Variants in PHF21B observed in about 807,000 individuals in gnomAD.
PHF21B encodes the protein PHD finger protein 21B.
In PHF21B, 22 loss-of-function variants were observed where a neutral mutation model predicts 62.2. The observed-to-expected ratio is 0.35, with a 90% CI of 0.25 to 0.51. The LOEUF (loss-of-function observed/expected upper bound fraction) is 0.51. PHF21B is among the 20% of genes least tolerant of loss of function. The pLI, the probability that PHF21B is intolerant of heterozygous loss-of-function variation, is 0.97. For missense variants in PHF21B, 701 were observed against 707.9 expected, an observed-to-expected ratio of 0.99 and a Z score of 0.11; for synonymous variants, 341 against 314.7, an observed-to-expected ratio of 1.08 and a Z score of -0.88.
intron 2 of PHF21B, among the ~76,000 whole-genome samples, chr22:44,975,038 G>A (rs1184392049): frequency 6.6e-6 from 1 of 152,092 alleles, no homozygotes. Flanking sequence ...CTCCAGCATG[G>A]AGCCACAGCC....
At chr22:45,008,850 C>A in intron 1 of PHF21B, 1 of 1,178,830 alleles carries the variant, frequency 8.5e-7, no homozygotes, top group Non-Finnish European at 1.0e-6. Context: ...CCGAGGCCAC[C>A]CGGCGGCGCG....
At chr22:45,008,994 A>G in intron 1 of PHF21B, 1 of 1,094,262 alleles carries the variant, frequency 9.1e-7, no homozygotes, top group Non-Finnish European at 1.1e-6. Context: ...GCTCATAAAT[A>G]TTCAAGTCGC....
chr22:45,008,542 T>G lies in PHF21B; in HGVS notation c.120+3A>C. On this transcript the variant is annotated splice_donor_region_variant and intron_variant, in intron 2 of 12. Coordinates refer to ENST00000313237, the MANE Select transcript of PHF21B (RefSeq NM_138415.5). Reference sequence around the variant, plus strand: ...CAGGGGGGGCCGCGATCCCATCGCTTACTTGTTTGTCGCTGAGCGCGGCGA... The same window carrying G: ...CAGGGGGGGCCGCGATCCCATCGCTGACTTGTTTGTCGCTGAGCGCGGCGA... 6.3e-7 allele frequency: 1 copy of G among 1,576,292 alleles called. No homozygotes were observed. The highest frequency in any genetic ancestry group is 8.6e-7 in the Non-Finnish European group (1 of 1,160,978).
chr22:45,008,622 C>T lies in PHF21B; in HGVS notation c.55-12G>A. The T allele has an allele frequency of 1.3e-6, 2 of 1,568,730 alleles. No homozygotes were observed. Among genetic ancestry groups the T allele is most frequent in the Non-Finnish European group, 1.7e-6 (2 of 1,156,630 alleles). On this transcript the variant is annotated splice_polypyrimidine_tract_variant and intron_variant, in intron 1 of 12. Transcript: ENST00000313237. ...TTGAGGTCGCCGTTCTGCGGAAACA[C>T]GGAGGAGCGGGCTCAGGCAGGCCAC...
chr22:44,911,544 T>C (rs2071343960), intron 5 of PHF21B, among the ~76,000 whole-genome samples: 2 of 152,346 alleles, frequency 1.3e-5, no homozygotes, highest in South Asian at 4.1e-4. Context: ...CCCCTCAGCC[T>C]GTTGCTTCAG....
At chr22:44,987,007 A>G (rs1443375794) in intron 2 of PHF21B, among the ~76,000 whole-genome samples, 2 of 152,228 alleles carry the variant, frequency 1.3e-5, no homozygotes, top group Admixed American at 6.5e-5. Flanking sequence ...TATCAGATTC[A>G]TACCTCGAGA....
At chr22:44,999,628 C>T (rs2073178292) in intron 2 of PHF21B, among the ~76,000 whole-genome samples, 1 of 152,100 alleles carries the variant, frequency 6.6e-6, no homozygotes, top group Admixed American at 6.6e-5. Flanking sequence ...ACCGTGTGCC[C>T]CGGAGTAACA....
chr22:45,008,944 C>A, intron 1 of PHF21B: 1 of 1,091,220 alleles, frequency 9.2e-7, no homozygotes, highest in Non-Finnish European at 1.1e-6. Flanking sequence ...GGGGGAGGAA[C>A]AAAGAGCCAA....
At chr22:45,007,676 G>A (rs1367547505) in intron 2 of PHF21B, among the ~76,000 whole-genome samples, 1 of 143,380 alleles carries the variant, frequency 7.0e-6, no homozygotes, top group Non-Finnish European at 1.5e-5. Context: ...CTCGGCTCGG[G>A]GCTGCGCGGG....
chr22:44,968,163 TGA>T (rs1649758295), intron 2 of PHF21B, among the ~76,000 whole-genome samples: 1 of 152,186 alleles, frequency 6.6e-6, no homozygotes, highest in East Asian at 1.9e-4. Context: ...CCTTAAGGGG[TGA>T]GAGTTACCCC....
chr22:44,981,796 A>G (rs2072846926), intron 2 of PHF21B, among the ~76,000 whole-genome samples: 1 of 152,216 alleles, frequency 6.6e-6, no homozygotes, highest in South Asian at 2.1e-4. Context: ...GCTCAAGGAC[A>G]CGCTGGGATG....
In PHF21B at chr22:44,885,797, C is replaced by T. The variant is rs1050158264; in HGVS notation, c.1273+66G>A. On this transcript the variant is annotated intron_variant, in intron 11 of 12. Coordinates refer to ENST00000313237, the MANE Select transcript of PHF21B (RefSeq NM_138415.5). ...CTGTCCTCCCACAGGACCAGGTGAG[C>T]CCAGAGGCCTGGGTGGGGGAGGAGG... 4 of 1,518,466 alleles carry T rather than the reference C, an allele frequency of 2.6e-6. No individual in the cohort carries two copies. In the Admixed American group the frequency reaches 6.9e-5, roughly 26 times the overall value. The allele number at this position is 1,518,466 out of a possible 1,614,324, so 94.1% of individuals were successfully genotyped here.
chr22:44,984,136 A>G (rs1288467498), intron 2 of PHF21B, among the ~76,000 whole-genome samples: 14 of 146,202 alleles, frequency 9.6e-5, no homozygotes, highest in African/African-American at 3.6e-4. Context: ...CATCATCATG[A>G]TCACCATCAT....
chr22:44,975,076 C>A (rs1350621817), intron 2 of PHF21B, among the ~76,000 whole-genome samples: 1 of 152,200 alleles, frequency 6.6e-6, no homozygotes, highest in Admixed American at 6.5e-5. Context: ...CCACCTTCTC[C>A]TCTCTCTCCA....
intron 2 of PHF21B, among the ~76,000 whole-genome samples, chr22:45,006,981 G>T (rs1320119636): frequency 6.6e-6 from 1 of 151,970 alleles, no homozygotes. Context: ...AATCAAAATG[G>T]TAATGCAGGG....
chr22:44,887,343 C>T (rs541743499), intron 10 of PHF21B, among the ~76,000 whole-genome samples: 1 of 152,230 alleles, frequency 6.6e-6, no homozygotes, highest in Admixed American at 6.5e-5. Flanking sequence ...ATGGCTGATT[C>T]CCAAACTATA....
At chr22:44,995,709 G>A (rs1400275995) in intron 2 of PHF21B, among the ~76,000 whole-genome samples, 2 of 152,082 alleles carry the variant, frequency 1.3e-5, no homozygotes, top group Admixed American at 1.3e-4. Context: ...ACTGCATTTA[G>A]CACTCGGTAT....
At chr22:44,918,168 G>A (rs757487225) in intron 3 of PHF21B, among the ~76,000 whole-genome samples, 3 of 152,236 alleles carry the variant, frequency 2.0e-5, no homozygotes, top group Admixed American at 6.5e-5. Flanking sequence ...AAAGTTACCC[G>A]TTGGAAAACT....
chr22:44,967,486 G>A (rs1008616045), intron 2 of PHF21B, among the ~76,000 whole-genome samples: 1 of 152,184 alleles, frequency 6.6e-6, no homozygotes, highest in South Asian at 2.1e-4. Context: ...CTCCCAAAGT[G>A]CTGGGATTAC....
Sources: allele counts gnomAD v4.1 joint callset (sites outside exome capture counted in the v4.1 genomes callset), GRCh38; gene constraint gnomAD v4.1.1; transcripts MANE v1.5; gene names NCBI Gene and HGNC (gene_info 2026-07-23, HGNC 2026-07-21).